Variants in MANBA observed in about 807,000 individuals in gnomAD.
MANBA encodes beta-mannosidase.
Under a neutral mutation model 111.1 loss-of-function variants are expected in MANBA, and 83 were observed. The observed-to-expected ratio is 0.75, with a 90% CI of 0.63 to 0.90. The LOEUF is 0.90. Ranked by LOEUF, MANBA falls within the 40% of genes least tolerant of loss-of-function variation. The pLI is 0.00. For missense variants in MANBA, 1,036 were observed against 1,069.0 expected (o/e 0.97, Z 0.43); for synonymous variants, 370 against 378.7 (o/e 0.98, Z 0.27).
intron 1 of MANBA, chr4:102,727,468 A>C (rs1722854282): frequency 6.7e-7 from 1 of 1,493,456 alleles, no homozygotes; most frequent in Non-Finnish European, 9.3e-7. Context: ...CTCCATCTTC[A>C]AGGTCCAGAT....
At chr4:102,651,433 G>A (rs890590602) in intron 12 of MANBA, among the ~76,000 whole-genome samples, 9 of 152,002 alleles carry the variant, frequency 5.9e-5, no homozygotes, top group African/African-American at 1.7e-4. Flanking sequence ...ATATGTTGGA[G>A]TATACCTTCT....
At chr4:102,692,616 A>G (rs1338774761) in intron 5 of MANBA, among the ~76,000 whole-genome samples, 5 of 147,788 alleles carry the variant, frequency 3.4e-5, no homozygotes, top group African/African-American at 1.3e-4. Flanking sequence ...TTGGAGGTAC[A>G]GGGGGTTAGA....
chr4:102,641,311 C>G (rs1223027627), intron 13 of MANBA, among the ~76,000 whole-genome samples: 1 of 152,194 alleles, frequency 6.6e-6, no homozygotes, highest in Non-Finnish European at 1.5e-5. Context: ...GTGAGAATTG[C>G]AGGGGCCAGA....
intron 1 of MANBA, among the ~76,000 whole-genome samples, chr4:102,732,209 A>G (rs1204725287): frequency 5.9e-5 from 9 of 151,784 alleles, no homozygotes; most frequent in Non-Finnish European, 1.3e-4. Context: ...CCGCATCTGG[A>G]CTCTTTCCAC....
intron 8 of MANBA, 147 bp from the exon 9 acceptor site, chr4:102,671,545 T>C: frequency 1.5e-6 from 1 of 654,358 alleles, no homozygotes; most frequent in Non-Finnish European, 2.8e-6. Context: ...TAAGATAAAA[T>C]TATATACACA....
chr4:102,733,782 C>A (rs1473856512), intron 1 of MANBA, among the ~76,000 whole-genome samples: 1 of 152,192 alleles, frequency 6.6e-6, no homozygotes, highest in African/African-American at 2.4e-5. Context: ...CTTCCATGGC[C>A]CCATGAAAGT....
At chr4:102,675,374 G>A (rs1731679694) in intron 7 of MANBA, among the ~76,000 whole-genome samples, 1 of 152,214 alleles carries the variant, frequency 6.6e-6, no homozygotes, top group African/African-American at 2.4e-5. Flanking sequence ...CCACTGTGAT[G>A]TAGCTCTGCG....
intron 13 of MANBA, among the ~76,000 whole-genome samples, chr4:102,648,519 T>C (rs1730197510): frequency 6.6e-6 from 1 of 152,076 alleles, no homozygotes; most frequent in Admixed American, 6.6e-5. Flanking sequence ...ATATAAAATG[T>C]TGAGAAAAGT....
At chr4:102,705,008 A>G (rs1052172573) in intron 5 of MANBA, among the ~76,000 whole-genome samples, 8 of 152,210 alleles carry the variant, frequency 5.3e-5, no homozygotes, top group African/African-American at 1.7e-4. Context: ...GGTATTTGCC[A>G]CCTCCACAAA....
intron 7 of MANBA, among the ~76,000 whole-genome samples, chr4:102,680,910 G>A (rs942303033): frequency 6.6e-6 from 1 of 152,134 alleles, no homozygotes; most frequent in African/African-American, 2.4e-5. Flanking sequence ...TTCCAGAAAG[G>A]TAAGAATGAC....
In MANBA at chr4:102,750,184, A is replaced by G. The variant is rs73836857; in HGVS notation, c.177+10534T>C. On this transcript the variant is annotated intron_variant, in intron 1 of 16. Coordinates refer to ENST00000647097, the MANE Select transcript of MANBA (RefSeq NM_005908.4). ...TAGAAGCAGTCAAACTTTTTTTTTT[A>G]ATTTTACTTTAAGTCAGTCAAACTT... 6.5e-3 allele frequency among the ~76,000 whole-genome samples: 980 copies of G among 151,930 alleles called. 11 individuals carry two copies. The highest frequency in any genetic ancestry group is 0.022 in the African/African-American group (923 of 41,428).
chr4:102,649,084 T>G (rs965602191), intron 13 of MANBA, among the ~76,000 whole-genome samples: 7 of 152,206 alleles, frequency 4.6e-5, no homozygotes, highest in Admixed American at 1.3e-4. Context: ...TATCAGTAGT[T>G]TATTCTTTTT....
intron 1 of MANBA, chr4:102,727,638 T>C (rs182738092): frequency 4.3e-4 from 660 of 1,525,074 alleles, no homozygotes; most frequent in Admixed American, 8.9e-4. Flanking sequence ...TGTATTCCCA[T>C]TGTGTTTCAC....
chr4:102,632,391 C>T (rs1729426258), intron 16 of MANBA, 110 bp from the exon 17 acceptor site: 13 of 861,834 alleles, frequency 1.5e-5, no homozygotes, highest in Non-Finnish European at 2.3e-5. Context: ...GTCCACTTCC[C>T]ACAACTTTGG....
intron 4 of MANBA, among the ~76,000 whole-genome samples, chr4:102,715,903 A>C (rs1014807491): frequency 6.6e-6 from 1 of 152,238 alleles, no homozygotes; most frequent in Non-Finnish European, 1.5e-5. Flanking sequence ...TGCTTACTAC[A>C]TTGAAGCAAC....
intron 9 of MANBA, among the ~76,000 whole-genome samples, chr4:102,670,317 T>A (rs979820685): frequency 1.3e-5 from 2 of 152,158 alleles, no homozygotes; most frequent in South Asian, 2.1e-4. Flanking sequence ...AGTAACTACA[T>A]CATTGAATGG....
chr4:102,698,832 C>T (rs1207465359), intron 5 of MANBA, among the ~76,000 whole-genome samples: 14 of 151,414 alleles, frequency 9.2e-5, no homozygotes, highest in Admixed American at 7.2e-4. Flanking sequence ...ATTGACTTGG[C>T]GATGTGGGCT....
At chr4:102,691,512 T>C (rs1011431292) in intron 5 of MANBA, among the ~76,000 whole-genome samples, 2 of 150,098 alleles carry the variant, frequency 1.3e-5, no homozygotes, top group Non-Finnish European at 3.0e-5. Context: ...CTTTTCTTTT[T>C]CCTTTTTTTT....
At chr4:102,705,366 A>C (rs10003141) in intron 5 of MANBA, among the ~76,000 whole-genome samples, 4,195 of 152,264 alleles carry the variant, frequency 0.028, 129 homozygotes, top group African/African-American at 0.077. Context: ...CTAGCCCCGA[A>C]TGGACTGCAG....
Sources: gnomAD v4.1 joint callset for allele counts (sites outside exome capture counted in the v4.1 genomes callset) on GRCh38, gnomAD v4.1.1 for gene constraint, MANE v1.5 for transcripts, NCBI Gene and HGNC (gene_info 2026-07-23, HGNC 2026-07-21) for gene names.